The following MCMBP variants were observed in gnomAD, a reference collection of about 807,000 sequenced individuals.
MCMBP encodes minichromosome maintenance complex binding protein.
A neutral mutation model predicts 81.3 loss-of-function variants in MCMBP; 31 were observed. The ratio of observed to expected loss-of-function variants is 0.38; its 90% CI spans 0.29 to 0.51. The LOEUF (loss-of-function observed/expected upper bound fraction) is 0.51, where lower values mean the gene tolerates loss of function less well. MCMBP is among the 20% of genes least tolerant of loss of function. The pLI, the probability that MCMBP is intolerant of heterozygous loss-of-function variation, is 0.87. For missense variants in MCMBP, 645 were observed against 772.1 expected, an observed-to-expected ratio of 0.84 and a Z score of 1.95; for synonymous variants, 267 against 275.9, an observed-to-expected ratio of 0.97 and a Z score of 0.32.
In MCMBP at chr10:119,835,728, T is replaced by C. The variant is rs778082557; in HGVS notation, c.1543-24A>G. On this transcript the variant is annotated intron_variant, in intron 13 of 15. Coordinates refer to ENST00000369077, the MANE Select transcript of MCMBP (RefSeq NM_001256378.2). Reference sequence around the variant, plus strand: ...GCCTGAAAAGAGAAGGAGTACACTGTATTTTCTGAGTTCCTAAATTAATCT... The same window carrying C: ...GCCTGAAAAGAGAAGGAGTACACTGCATTTTCTGAGTTCCTAAATTAATCT... 4.3e-5 allele frequency: 69 copies of C among 1,611,582 alleles called. 1 individual carries two copies. Among genetic ancestry groups the C allele is most frequent in the Non-Finnish European group, 5.6e-5 (66 of 1,179,018 alleles).
chr10:119,846,105 A>C (rs1312585414), intron 8 of MCMBP, among the ~76,000 whole-genome samples: 1 of 152,234 alleles, frequency 6.6e-6, no homozygotes, highest in Non-Finnish European at 1.5e-5. Flanking sequence ...ACCAACGAGC[A>C]CATCTAGGAC....
At position 119,831,909 on chromosome 10, in the gene MCMBP, G is replaced by A. The variant is rs1589770687; in HGVS notation, c.1796+103C>T. 3.3e-6 allele frequency: 4 copies of A among 1,222,942 alleles called. No individual in the cohort carries two copies. In the East Asian group the frequency reaches 9.5e-5, roughly 29 times the overall value. The allele number at this position is 1,222,942 out of a possible 1,614,324, so 75.8% of individuals were successfully genotyped here. ...TCATACAGCGTTTTTAAAAGGAAAA[G>A]TTCATTTCCGTTTTTAGAATTCTGC... On this transcript the variant is annotated intron_variant, in intron 15 of 15. Transcript: ENST00000369077.
chr10:119,851,840 C>T (rs903824999), intron 6 of MCMBP, among the ~76,000 whole-genome samples: 6 of 151,562 alleles, frequency 4.0e-5, no homozygotes, highest in Non-Finnish European at 8.8e-5. Context: ...TTAGTAAATC[C>T]CTGTTTACCA....
chr10:119,872,453 C>A, intron 1 of MCMBP, 74 bp downstream of exon 1: 1 of 936,174 alleles, frequency 1.1e-6, no homozygotes, highest in Non-Finnish European at 1.4e-6. Flanking sequence ...GTGGGGGCCG[C>A]GCGGCGGGGC....
chr10:119,832,667 T>C, intron 14 of MCMBP, among the ~76,000 whole-genome samples: 1 of 151,976 alleles, frequency 6.6e-6, no homozygotes, highest in East Asian at 1.9e-4. Context: ...CGGAGAACTG[T>C]CATCTGACCA....
intron 14 of MCMBP, among the ~76,000 whole-genome samples, chr10:119,834,574 C>T (rs543850009): frequency 2.6e-5 from 4 of 152,064 alleles, no homozygotes; most frequent in South Asian, 2.1e-4. Flanking sequence ...TCCAGAATTT[C>T]GGGAGGCTAA....
chr10:119,870,242 A>G (rs1465509766), intron 1 of MCMBP, among the ~76,000 whole-genome samples: 1 of 152,100 alleles, frequency 6.6e-6, no homozygotes, highest in Non-Finnish European at 1.5e-5. Flanking sequence ...AGGTCAAGAG[A>G]TCTAGACCAT....
At position 119,830,370 on chromosome 10, in the gene MCMBP, T is replaced by C. The variant is rs1445302393; in HGVS notation, c.*1104A>G. 3 of 152,264 alleles carry C rather than the reference T, an allele frequency of 2.0e-5. No homozygotes were observed. The highest frequency in any genetic ancestry group is 2.9e-5 in the Non-Finnish European group (2 of 68,038). The allele number at this position is 152,264 out of a possible 1,614,324, so 9.4% of individuals were successfully genotyped here. ...TGTTAGTTTGCTCTATTAAAACTAA[T>C]TGGTCTGGAGAAAACCTACCTGCAG... On this transcript the variant is annotated 3_prime_UTR_variant, in exon 16 of 16. Coordinates refer to ENST00000369077, the MANE Select transcript of MCMBP (RefSeq NM_001256378.2).
At chr10:119,834,195 T>G (rs1852153379) in intron 14 of MCMBP, among the ~76,000 whole-genome samples, 1 of 152,142 alleles carries the variant, frequency 6.6e-6, no homozygotes, top group Non-Finnish European at 1.5e-5. Context: ...TTCCCAAACT[T>G]GTTGAAAACT....
chr10:119,839,131 CAT>C (rs1564872343), intron 11 of MCMBP, among the ~76,000 whole-genome samples: 1 of 152,184 alleles, frequency 6.6e-6, no homozygotes, highest in African/African-American at 2.4e-5. Flanking sequence ...ATTCATTTAT[CAT>C]AGACATTTTT....
chr10:119,870,735 T>C (rs1002056124), intron 1 of MCMBP, among the ~76,000 whole-genome samples: 1 of 152,216 alleles, frequency 6.6e-6, no homozygotes, highest in East Asian at 1.9e-4. Flanking sequence ...AATGCTGTTA[T>C]AATAAAGATA....
At position 119,832,179 on chromosome 10, in the gene MCMBP, GT is replaced by G. The variant is rs1360124731; in HGVS notation, c.1708-80del. 2.5e-5 allele frequency: 32 copies of G among 1,283,194 alleles called. No homozygotes were observed. The African/African-American group carries it at 4.7e-4, about 19-fold the overall frequency. The allele number at this position is 1,283,194 out of a possible 1,614,324, so 79.5% of individuals were successfully genotyped here. A position where few individuals can be genotyped will look rare whatever the true frequency, so the allele number is the denominator to read the frequency against. On this transcript the variant is annotated intron_variant, in intron 14 of 15. Coordinates refer to ENST00000369077, the MANE Select transcript of MCMBP (RefSeq NM_001256378.2). ...TTAACATGGTTCCTTGACTGATGTA[GT>G]AAGGTGCATGTCAGCCTCTTAGACA...
intron 10 of MCMBP, 22 bp from the exon 11 acceptor site, chr10:119,840,982 C>T: frequency 7.4e-7 from 1 of 1,356,540 alleles, no homozygotes; most frequent in Non-Finnish European, 1.0e-6. Flanking sequence ...AGAAATCAAT[C>T]AATAAGATGC....
Position 119,831,137 on chromosome 10 carries a change from C to T in MCMBP, c.*337G>A. The T allele has an allele frequency of 6.3e-6, 1 of 159,306 alleles. No individual in the cohort carries two copies. Among genetic ancestry groups the T allele is most frequent in the South Asian group, 1.8e-4 (1 of 5,582 alleles). 9.9% of individuals were successfully genotyped at this position (159,306 alleles called of 1,614,324 possible). ...ACTGCAACAACCTTCTTCATTTCAG[C>T]ATTTCAACAGTCTGGCCTATGACTC... On this transcript the variant is annotated 3_prime_UTR_variant, in exon 16 of 16. Coordinates refer to ENST00000369077, the MANE Select transcript of MCMBP (RefSeq NM_001256378.2).
chr10:119,843,491 G>A, intron 8 of MCMBP, 65 bp from the exon 9 acceptor site: 1 of 1,507,544 alleles, frequency 6.6e-7, no homozygotes, highest in Non-Finnish European at 9.0e-7. Flanking sequence ...AAAATAATGT[G>A]CATCTTGGAA....
intron 1 of MCMBP, among the ~76,000 whole-genome samples, chr10:119,870,515 CTAAA>C (rs1484668085): frequency 6.6e-6 from 1 of 152,012 alleles, no homozygotes; most frequent in African/African-American, 2.4e-5. Flanking sequence ...AAAAAACTGT[CTAAA>C]TATATGCAGA....
Position 119,842,721 on chromosome 10 carries a change from G to A in MCMBP, c.1001-126C>T, listed in dbSNP as rs781184314. The A allele has an allele frequency of 2.9e-5, 28 of 973,758 alleles. No homozygotes were observed. In the Middle Eastern group the frequency reaches 6.9e-4, roughly 24 times the overall value. The allele number at this position is 973,758 out of a possible 1,614,324, so 60.3% of individuals were successfully genotyped here. ...ACAGTAGGTAAAGCTTAACATATCC[G>A]TCAGTAAGTGATGCTAATCTTAAAA... On this transcript the variant is annotated intron_variant, in intron 9 of 15. Coordinates refer to ENST00000369077, the MANE Select transcript of MCMBP (RefSeq NM_001256378.2).
intron 11 of MCMBP, among the ~76,000 whole-genome samples, chr10:119,839,609 G>C (rs1329692390): frequency 1.3e-5 from 2 of 152,106 alleles, no homozygotes; most frequent in African/African-American, 4.8e-5. Flanking sequence ...AGAACCCCCA[G>C]GGAATTGCTT....
At chr10:119,858,827 C>A (rs1014154007) in intron 4 of MCMBP, 57 bp downstream of exon 4, 18 of 1,244,422 alleles carry the variant, frequency 1.4e-5, no homozygotes, top group South Asian at 4.1e-5. Flanking sequence ...TAAACAAATT[C>A]TCTGTTTAGG....
Sources: allele counts gnomAD v4.1 joint callset (sites outside exome capture counted in the v4.1 genomes callset), GRCh38; gene constraint gnomAD v4.1.1; transcripts MANE v1.5; gene names NCBI Gene and HGNC (gene_info 2026-07-23, HGNC 2026-07-21).